Variants in BBS5 observed in about 807,000 individuals in gnomAD.
BBS5 encodes BBSome complex member BBS5.
BBS5 carries 39 observed loss-of-function variants against 50.2 expected under a neutral mutation model. The observed-to-expected ratio is 0.78, with a 90% confidence interval of 0.60 to 1.01. The LOEUF is 1.01. Ranked by LOEUF, BBS5 falls within the 50% of genes least tolerant of loss-of-function variation. BBS5 has a pLI of 0.00. For synonymous variants in BBS5, 134 were observed against 133.1 expected (o/e 1.01, Z -0.05); for missense variants, 356 against 401.5 (o/e 0.89, Z 0.97).
At chr2:169,499,001 C>T (rs1457659398) in intron 8 of BBS5, 1 of 165,984 alleles carries the variant, frequency 6.0e-6, no homozygotes. Flanking sequence ...GGCCCAGTTT[C>T]TTTCCTAATT....
intron 11 of BBS5, 55 bp downstream of exon 11, chr2:169,504,381 T>A: frequency 6.3e-7 from 1 of 1,595,600 alleles, no homozygotes; most frequent in Non-Finnish European, 8.6e-7. Context: ...AATTCCAACA[T>A]TTAGCATTCA....
chr2:169,504,875 C>G lies in BBS5; in HGVS notation c.*293C>G. ...GGCCCGGGCGCTCCTACAGCAGTGC[C>G]TGCACGCCCGGCTGCAAATTCGCCC... On this transcript the variant is annotated 3_prime_UTR_variant, in exon 12 of 12. Coordinates refer to ENST00000295240, the MANE Select transcript of BBS5 (RefSeq NM_152384.3). 4 of 1,613,274 alleles carry G rather than the reference C, an allele frequency of 2.5e-6. No individual in the cohort carries two copies. The highest frequency in any genetic ancestry group is 2.2e-5 in the South Asian group (2 of 91,014).
Position 169,504,703 on chromosome 2 carries a change from A to T in BBS5, c.*121A>T, listed in dbSNP as rs1468133928. The T allele has an allele frequency of 1.7e-6, 2 of 1,181,112 alleles. No homozygotes were observed. Among genetic ancestry groups the T allele is most frequent in the African/African-American group, 3.1e-5 (2 of 64,178 alleles). The allele number at this position is 1,181,112 out of a possible 1,614,324, so 73.2% of individuals were successfully genotyped here. A position where few individuals can be genotyped will look rare whatever the true frequency, so the allele number is the denominator to read the frequency against. On this transcript the variant is annotated 3_prime_UTR_variant, in exon 12 of 12. Coordinates refer to ENST00000295240, the MANE Select transcript of BBS5 (RefSeq NM_152384.3). ...AGCTTTTATATTTAAAACTTGTAAGAGTTTTTTTAATGATTGAGGAAAAAG... is the reference window on the plus strand; with the variant it reads ...AGCTTTTATATTTAAAACTTGTAAGTGTTTTTTTAATGATTGAGGAAAAAG...
rs1454124210 is a variant in BBS5, at chr2:169,505,222, G to T, written c.*640G>T. ...TCCGCCAGCCTCGGCCTCCCGAGGT[G>T]CCGGGATTGCAGACGGAGTCTGGTT... On this transcript the variant is annotated 3_prime_UTR_variant, in exon 12 of 12. Transcript: ENST00000295240. 4.0e-6 allele frequency: 2 copies of T among 494,698 alleles called. No individual in the cohort carries two copies. Among genetic ancestry groups the T allele is most frequent in the Non-Finnish European group, 7.4e-6 (2 of 268,658 alleles). 30.6% of individuals were successfully genotyped at this position (494,698 alleles called of 1,614,324 possible). A position where few individuals can be genotyped will look rare whatever the true frequency, so the allele number is the denominator to read the frequency against.
chr2:169,487,447 C>T (rs538303261), intron 3 of BBS5, among the ~76,000 whole-genome samples: 35 of 152,096 alleles, frequency 2.3e-4, no homozygotes, highest in African/African-American at 8.4e-4. Context: ...ATAATCTTTT[C>T]ATTGTGTTAA....
rs754743131 is a variant in BBS5 at position 169,488,073 on chromosome 2, T to G, written c.345T>G (p.Pro115=). The change falls in exon 5 of 12, where the codon CCT becomes CCG. Residue 115 remains proline, a synonymous_variant. Transcript: ENST00000295240. ...RFEFIFTNLV[P]GSPRLFTSVM... ...AATTTATATTTACAAATTTGGTTCC[T>G]GGAAGCCCTAGACTTTTTACTTCTG... 5.0e-6 allele frequency: 8 copies of G among 1,613,506 alleles called. No individual in the cohort carries two copies. The African/African-American group carries it at 1.1e-4, about 22-fold the overall frequency.
At position 169,504,959 on chromosome 2, in the gene BBS5, G is replaced by C. The variant is rs558708957; in HGVS notation, c.*377G>C. On this transcript the variant is annotated 3_prime_UTR_variant, in exon 12 of 12. Transcript: ENST00000295240. ...GGTCCAAAGAGGACTGGTGATCTAC[G>C]TGTGCTTTTTCAAGGGAGCTGATAA... 57 of 1,613,564 alleles carry C rather than the reference G, an allele frequency of 3.5e-5. No individual in the cohort carries two copies. In the East Asian group the frequency reaches 8.9e-4, roughly 25 times the overall value.
rs12692910 is a variant in BBS5 at position 169,504,905 on chromosome 2, A to G, written c.*323A>G. ...CGCCCGGCTGCAAATTCGCCCAGCC[A>G]ATGGGGACGTTGCGGCCCAGTGGGT... On this transcript the variant is annotated 3_prime_UTR_variant, in exon 12 of 12. Coordinates refer to ENST00000295240, the MANE Select transcript of BBS5 (RefSeq NM_152384.3). 0.91 allele frequency: 1,463,127 copies of G among 1,613,590 alleles called. 664,328 individuals carry two copies. Among genetic ancestry groups the G allele is most frequent in the East Asian group, 0.98 (44,156 of 44,858 alleles).
chr2:169,502,653 T>G (rs1164683804), intron 9 of BBS5, among the ~76,000 whole-genome samples: 1 of 152,136 alleles, frequency 6.6e-6, no homozygotes, highest in Non-Finnish European at 1.5e-5. Flanking sequence ...AATGAACAAA[T>G]AAATAAGTGT....
intron 2 of BBS5, 163 bp downstream of exon 2, chr2:169,482,496 G>A (rs1378621896): frequency 4.8e-6 from 3 of 623,770 alleles, no homozygotes; most frequent in Admixed American, 2.5e-5. Flanking sequence ...CAGAAGACAG[G>A]ATAGGTATTA....
rs775585626 is a variant in BBS5 at position 169,493,855 on chromosome 2, A to T, written c.618+19A>T. On this transcript the variant is annotated intron_variant, in intron 7 of 11. Coordinates refer to ENST00000295240, the MANE Select transcript of BBS5 (RefSeq NM_152384.3). The stretch of plus-strand genomic sequence containing the variant: ...GCAAATTGTAAGTACATACATTTTG[A>T]TGACCTTATTTTAATGTAAAATAAA... 6 of 1,463,896 alleles carry T rather than the reference A, an allele frequency of 4.1e-6. No individual in the cohort carries two copies. The South Asian group carries it at 6.9e-5, about 17-fold the overall frequency. 90.7% of individuals were successfully genotyped at this position (1,463,896 alleles called of 1,614,324 possible).
chr2:169,482,668 T>G (rs1003886730), intron 2 of BBS5: 1 of 310,950 alleles, frequency 3.2e-6, no homozygotes, highest in South Asian at 3.4e-5. Context: ...AAGTAGGTCA[T>G]AGCTGTAGTA....
chr2:169,486,939 C>T, intron 2 of BBS5, 130 bp from the exon 3 acceptor site: 2 of 737,696 alleles, frequency 2.7e-6, no homozygotes, highest in Non-Finnish European at 4.9e-6. Context: ...ACAATATTTT[C>T]AGTTAATATA....
At chr2:169,492,274 G>A (rs372180365) in intron 5 of BBS5, among the ~76,000 whole-genome samples, 52 of 151,494 alleles carry the variant, frequency 3.4e-4, no homozygotes, top group South Asian at 3.1e-3. Flanking sequence ...GGCAGATCAC[G>A]AGGTCAAGAG....
In BBS5 at chr2:169,493,317, C is replaced by G. The variant is rs188851813; in HGVS notation, c.522+308C>G. On this transcript the variant is annotated intron_variant, in intron 6 of 11. Transcript: ENST00000295240. The stretch of plus-strand genomic sequence containing the variant: ...CTCCTATCCTTATAAAGAATACAAT[C>G]TAATGTATATTCATGGGGATTATTA... 1.8e-3 allele frequency among the ~76,000 whole-genome samples: 279 copies of G among 152,250 alleles called. 4 individuals carry two copies. The highest frequency in any genetic ancestry group is 0.016 in the Admixed American group (239 of 15,278).
Position 169,499,557 on chromosome 2 carries a change from T to C in BBS5, c.753T>C (p.Asn251=). The C allele has an allele frequency of 6.2e-7, 1 of 1,613,706 alleles. No individual in the cohort carries two copies. Among genetic ancestry groups the C allele is most frequent in the Non-Finnish European group, 8.5e-7 (1 of 1,179,612 alleles). The change falls in exon 9 of 12, where the codon AAT becomes AAC. Residue 251 remains asparagine (N), a synonymous_variant. Coordinates refer to ENST00000295240, the MANE Select transcript of BBS5 (RefSeq NM_152384.3). Reference sequence around the variant, plus strand: ...TACAAGAATCAGTTAAGGAAATCAATTCACTTCACAAAGTCTATTCTGCCA... The same window carrying C: ...TACAAGAATCAGTTAAGGAAATCAACTCACTTCACAAAGTCTATTCTGCCA... ...EKLQESVKEI[N]SLHKVYSASP...
chr2:169,493,101 G>A, intron 6 of BBS5, 92 bp downstream of exon 6: 1 of 1,417,082 alleles, frequency 7.1e-7, no homozygotes, highest in Non-Finnish European at 9.9e-7. Context: ...AATTCTAATT[G>A]TTAAAATTAG....
intron 9 of BBS5, among the ~76,000 whole-genome samples, chr2:169,501,008 T>C (rs1455026854): frequency 6.6e-6 from 1 of 152,212 alleles, no homozygotes; most frequent in Non-Finnish European, 1.5e-5. Context: ...TATTTTCATA[T>C]AGTTGAGCAT....
chr2:169,487,273 C>A, intron 3 of BBS5, 139 bp downstream of exon 3: 1 of 657,340 alleles, frequency 1.5e-6, no homozygotes, highest in Non-Finnish European at 2.7e-6. Flanking sequence ...CATCATAATG[C>A]AAACAAAATT....
Sources: allele counts gnomAD v4.1 joint callset (sites outside exome capture counted in the v4.1 genomes callset), GRCh38; gene constraint gnomAD v4.1.1; transcripts MANE v1.5; gene names NCBI Gene and HGNC (gene_info 2026-07-23, HGNC 2026-07-21).